The following NELFB variants were observed in gnomAD, a reference collection of about 807,000 sequenced individuals.
The protein encoded by NELFB is negative elongation factor complex member B.
Under a neutral mutation model 60.2 loss-of-function variants are expected in NELFB, and 34 were observed. The ratio of observed to expected loss-of-function variants is 0.56; its 90% CI spans 0.43 to 0.75. The LOEUF is 0.75. Among genes scored for constraint, NELFB ranks in the 30% least tolerant of loss-of-function variants. NELFB has a pLI of 0.00. For synonymous variants in NELFB, 459 were observed against 382.1 expected (o/e 1.20, Z -2.35); for missense variants, 770 against 831.6 (o/e 0.93, Z 0.91).
rs369902879 is a variant in NELFB, at chr9:137,272,784, C to T, written c.1743C>T (p.Ser581=). The change falls in exon 13 of 13, where the codon AGC becomes AGT. Residue 581 remains serine (S), a splice_region_variant and synonymous_variant. Coordinates refer to ENST00000343053, the MANE Select transcript of NELFB (RefSeq NM_015456.5). ...CCCCATGGTGTGGTTCCCCGCAGAG[C>T]GGAGAGGCAGTGAAGGAGCTTTACT... 3.0e-5 allele frequency: 47 copies of T among 1,546,202 alleles called. No individual in the cohort carries two copies. In the South Asian group the frequency reaches 3.5e-4, roughly 11 times the overall value.
chr9:137,267,221 G>A lies in NELFB; in HGVS notation c.1383-19G>A. 6.2e-7 allele frequency: 1 copy of A among 1,608,418 alleles called. No individual in the cohort carries two copies. Among genetic ancestry groups the A allele is most frequent in the Non-Finnish European group, 8.5e-7 (1 of 1,176,658 alleles). On this transcript the variant is annotated intron_variant, in intron 9 of 12. Coordinates refer to ENST00000343053, the MANE Select transcript of NELFB (RefSeq NM_015456.5). ...GCTGAGGTGGGGCTGAGGTGGGGCTGATGGCGCCCCGGGCGCAGGTTTCTG... is the reference window on the plus strand; with the variant it reads ...GCTGAGGTGGGGCTGAGGTGGGGCTAATGGCGCCCCGGGCGCAGGTTTCTG...
At position 137,256,369 on chromosome 9, in the gene NELFB, C is replaced by G. The variant is rs1837551263; in HGVS notation, c.451C>G (p.Leu151Val). 1 of 1,614,120 alleles carries G rather than the reference C, an allele frequency of 6.2e-7. No individual in the cohort carries two copies. Among genetic ancestry groups the G allele is most frequent in the Non-Finnish European group, 8.5e-7 (1 of 1,180,042 alleles). Reference sequence around the variant, plus strand: ...AGACCTTCTGGAGAAGAGCTTTTCTCTGGTGAAGATGCCGTCCCTGCAGCC... The same window carrying G: ...AGACCTTCTGGAGAAGAGCTTTTCTGTGGTGAAGATGCCGTCCCTGCAGCC... The change falls in exon 3 of 13, where the codon CTG becomes GTG. Residue 151 changes from leucine to valine, a missense_variant. Physicochemically the swap from Leu to Val is conservative, Grantham distance 32. Transcript: ENST00000343053.
rs1381886032 is a variant in NELFB at position 137,272,630 on chromosome 9, G to T, written c.1740+15G>T. On this transcript the variant is annotated intron_variant, in intron 12 of 12. Transcript: ENST00000343053. ...CTACAGGCCAGGTGGGTGCCCGGGG[G>T]GGCTGCATCTGAAGGCACCTGGTCC... 8.3e-6 allele frequency: 13 copies of T among 1,573,416 alleles called. No individual in the cohort carries two copies. In the East Asian group the frequency reaches 2.6e-4, roughly 31 times the overall value.
In NELFB at chr9:137,271,043, C is replaced by T. The variant is rs538663564; in HGVS notation, c.1490-1038C>T. On this transcript the variant is annotated intron_variant, in intron 10 of 12. Coordinates refer to ENST00000343053, the MANE Select transcript of NELFB (RefSeq NM_015456.5). Reference sequence around the variant, plus strand: ...CGCTTCTCCAGGTGTCTCCTGCCTGCTGTGTGGACGGTCCCGTCAGGGTTG... The same window carrying T: ...CGCTTCTCCAGGTGTCTCCTGCCTGTTGTGTGGACGGTCCCGTCAGGGTTG... 2.0e-5 allele frequency among the ~76,000 whole-genome samples: 3 copies of T among 152,396 alleles called. No homozygotes were observed. In the South Asian group the frequency reaches 6.2e-4, roughly 32 times the overall value.
At chr9:137,260,072 C>A (rs1371684823) in intron 4 of NELFB, among the ~76,000 whole-genome samples, 4 of 145,692 alleles carry the variant, frequency 2.7e-5, no homozygotes, top group African/African-American at 1.0e-4. Context: ...ATTTTTGAGA[C>A]AGAATCTTGC....
intron 5 of NELFB, 152 bp from the exon 6 acceptor site, chr9:137,264,093 C>T: frequency 1.6e-6 from 1 of 618,952 alleles, no homozygotes; most frequent in Non-Finnish European, 2.9e-6. Context: ...GTGTGGGGAA[C>T]ACTGCACCGT....
chr9:137,265,877 G>A lies in NELFB; in HGVS notation c.1041G>A (p.Gly347=). 1.2e-6 allele frequency: 2 copies of A among 1,611,194 alleles called. No homozygotes were observed. Among genetic ancestry groups the A allele is most frequent in the Non-Finnish European group, 8.5e-7 (1 of 1,178,148 alleles). The stretch of plus-strand genomic sequence containing the variant: ...TAATGCCAGGGCGGCCTCCTTCCAG[G>A]GACCTGTCCATGATCCTGTGTGACC... The change falls in exon 7 of 13, where the codon GGG becomes GGA. Residue 347 remains glycine (G), a splice_region_variant and synonymous_variant. Coordinates refer to ENST00000343053, the MANE Select transcript of NELFB (RefSeq NM_015456.5).
rs1837537453 is a variant in NELFB, at chr9:137,255,591, A to G, written c.226A>G (p.Lys76Glu). Reference sequence around the variant, plus strand: ...CCTGACCAACTGCACGGAGCCGCTCAAGGCCATCGAGCAGTTCCAGGTGGG... The same window carrying G: ...CCTGACCAACTGCACGGAGCCGCTCGAGGCCATCGAGCAGTTCCAGGTGGG... Residue 76 changes from lysine to glutamate, a missense_variant, in exon 1 of 13, where the codon AAG becomes GAG. Transcript: ENST00000343053. 1.9e-6 allele frequency: 3 copies of G among 1,549,344 alleles called. No individual in the cohort carries two copies. Among genetic ancestry groups the G allele is most frequent in the Non-Finnish European group, 1.7e-6 (2 of 1,146,774 alleles).
intron 10 of NELFB, among the ~76,000 whole-genome samples, chr9:137,271,666 G>T (rs1830585738): frequency 6.6e-6 from 1 of 152,216 alleles, no homozygotes; most frequent in Non-Finnish European, 1.5e-5. Flanking sequence ...AGCTGGCGCC[G>T]GCCCTGTATT....
intron 4 of NELFB, among the ~76,000 whole-genome samples, chr9:137,262,268 C>G (rs1173634744): frequency 6.6e-6 from 1 of 152,172 alleles, no homozygotes; most frequent in African/African-American, 2.4e-5. Context: ...GACTCCCTTT[C>G]CCTGTCTGCT....
intron 4 of NELFB, among the ~76,000 whole-genome samples, chr9:137,258,321 G>A (rs930446512): frequency 1.3e-5 from 2 of 151,258 alleles, no homozygotes; most frequent in Non-Finnish European, 2.9e-5. Flanking sequence ...TTGGTGTTTC[G>A]CTGTGTTGCC....
At chr9:137,265,387 CTTTT>C (rs66744887) in intron 6 of NELFB, among the ~76,000 whole-genome samples, 5 of 91,824 alleles carry the variant, frequency 5.4e-5, no homozygotes, top group Non-Finnish European at 7.8e-5. Flanking sequence ...AAACCTTAAG[CTTTT>C]TTTTTTTTTT....
chr9:137,265,315 T>G (rs965137939), intron 6 of NELFB, among the ~76,000 whole-genome samples: 5 of 151,242 alleles, frequency 3.3e-5, no homozygotes, highest in African/African-American at 1.2e-4. Context: ...CCAGCCTTTT[T>G]TTTGTTTGTT....
At chr9:137,257,094 G>C (rs1837566389) in intron 4 of NELFB, 40 bp downstream of exon 4, 3 of 1,554,444 alleles carry the variant, frequency 1.9e-6, no homozygotes, top group African/African-American at 2.7e-5. Context: ...GCACCTCTTG[G>C]GGATGCCACG....
intron 1 of NELFB, 27 bp downstream of exon 1, chr9:137,255,638 G>T: frequency 6.5e-7 from 1 of 1,535,380 alleles, no homozygotes; most frequent in African/African-American, 1.4e-5. Flanking sequence ...GGCGGGGGGA[G>T]CCCAGTTGGA....
At chr9:137,262,869 T>C (rs1191051329) in intron 4 of NELFB, among the ~76,000 whole-genome samples, 168 bp from the exon 5 acceptor site, 7 of 152,204 alleles carry the variant, frequency 4.6e-5, no homozygotes, top group African/African-American at 1.7e-4. Context: ...CAGAACCTGC[T>C]ACCATCAGAC....
At chr9:137,266,282 G>A (rs2118985572) in intron 7 of NELFB, 49 bp from the exon 8 acceptor site, 1 of 1,537,108 alleles carries the variant, frequency 6.5e-7, no homozygotes, top group South Asian at 1.1e-5. Flanking sequence ...GAGCTCCATG[G>A]CCAGGACACA....
intron 5 of NELFB, among the ~76,000 whole-genome samples, chr9:137,263,641 C>T (rs1207895108): frequency 6.6e-6 from 1 of 151,712 alleles, no homozygotes; most frequent in Non-Finnish European, 1.5e-5. Flanking sequence ...GGCCCTTTGG[C>T]TTCTCTCCAG....
intron 6 of NELFB, 76 bp downstream of exon 6, chr9:137,264,433 G>C (rs976282924): frequency 9.4e-7 from 1 of 1,068,298 alleles, no homozygotes; most frequent in Non-Finnish European, 1.4e-6. Context: ...GTGTTTTGCC[G>C]TGGGTAGCAG....
Sources: gnomAD v4.1 joint callset for allele counts (sites outside exome capture counted in the v4.1 genomes callset) on GRCh38, gnomAD v4.1.1 for gene constraint, MANE v1.5 for transcripts, NCBI Gene and HGNC (gene_info 2026-07-23, HGNC 2026-07-21) for gene names.